LRRC41: variants seen among roughly 807,000 people sequenced by gnomAD.
LRRC41 encodes the protein leucine rich repeat containing 41.
A neutral mutation model predicts 72.1 loss-of-function variants in LRRC41; 17 were observed. That is an observed-to-expected ratio of 0.24 (90% CI 0.16 to 0.35). LRRC41 has a LOEUF of 0.35. Among genes scored for constraint, LRRC41 ranks in the 10% least tolerant of loss-of-function variants. LRRC41 has a pLI of 1.00. For missense variants in LRRC41, 759 were observed against 1,065.0 expected (o/e 0.71, Z 4.00); for synonymous variants, 427 against 431.0 (o/e 0.99, Z 0.11).
chr1:46,297,727 T>A, intron 2 of LRRC41, 94 bp from the exon 3 acceptor site: 1 of 891,934 alleles, frequency 1.1e-6, no homozygotes, highest in South Asian at 1.4e-5. Flanking sequence ...ACAGGAGCAA[T>A]ATGGCAGAGT....
At chr1:46,294,391 A>G (rs1661079562) in intron 3 of LRRC41, among the ~76,000 whole-genome samples, 1 of 152,020 alleles carries the variant, frequency 6.6e-6, no homozygotes. Flanking sequence ...TACAGGTGTG[A>G]GCTACCGCGC....
rs149912486 is a variant in LRRC41, at chr1:46,281,266, G to A, written c.1615C>T (p.Leu539=). 2.7e-5 allele frequency: 44 copies of A among 1,614,088 alleles called. No homozygotes were observed. Among genetic ancestry groups the A allele is most frequent in the Non-Finnish European group, 3.5e-5 (41 of 1,180,032 alleles). The change falls in exon 5 of 10, where the codon CTG becomes TTG. Residue 539 remains leucine, a synonymous_variant. Transcript: ENST00000617190. ...DLFSPLPILE[L]TRAIVRALPL... ...AGTGCTCGCACGATAGCACGTGTCAGCTCCAGGATGGGCAGTGGTGAGAAC... is the reference window on the plus strand; with the variant it reads ...AGTGCTCGCACGATAGCACGTGTCAACTCCAGGATGGGCAGTGGTGAGAAC...
chr1:46,279,877 G>A lies in LRRC41; in HGVS notation c.2021-263C>T, dbSNP rs573822103. 5.9e-5 allele frequency among the ~76,000 whole-genome samples: 9 copies of A among 152,190 alleles called. No homozygotes were observed. The South Asian group carries it at 1.2e-3, about 21-fold the overall frequency. On this transcript the variant is annotated intron_variant, in intron 7 of 9. Transcript: ENST00000617190. This position sits in a 1 kb window ranked among gnomAD's most constrained non-coding sequence, Gnocchi z 4.5. Reference sequence around the variant, plus strand: ...CCCTAACACTGGCCACCCTCTATGCGGGGGTGGGGATCAGAGAAAAGTCTA... The same window carrying A: ...CCCTAACACTGGCCACCCTCTATGCAGGGGTGGGGATCAGAGAAAAGTCTA...
rs1431681864 is a variant in LRRC41 at position 46,302,131 on chromosome 1, C to T, written c.199+993G>A. 6 of 985,268 alleles carry T rather than the reference C, an allele frequency of 6.1e-6. No homozygotes were observed. In the African/African-American group the frequency reaches 7.0e-5, roughly 11 times the overall value. The allele number at this position is 985,268 out of a possible 1,614,324, so 61.0% of individuals were successfully genotyped here. A position where few individuals can be genotyped will look rare whatever the true frequency, so the allele number is the denominator to read the frequency against. On this transcript the variant is annotated intron_variant, in intron 1 of 9. Transcript: ENST00000617190. The surrounding 1 kb of genome is among the most constrained non-coding windows in gnomAD (Gnocchi z 4.7). ...CGTTCATCCCGGCGCCCCAGGCCGC[C>T]CTCCATCCAGGCCCGGCCCTTTGGT...
intron 3 of LRRC41, chr1:46,297,349 C>A: frequency 2.1e-6 from 1 of 465,216 alleles, no homozygotes; most frequent in Non-Finnish European, 3.9e-6. Flanking sequence ...CACTAACTTT[C>A]CCTGTTTTGT....
chr1:46,295,751 T>C (rs1421314133), intron 3 of LRRC41, among the ~76,000 whole-genome samples: 1 of 152,222 alleles, frequency 6.6e-6, no homozygotes, highest in East Asian at 1.9e-4. Context: ...GTGAATCTGA[T>C]GTTTCCTTAA....
rs1661270094 is a variant in LRRC41, at chr1:46,302,769, G to C, written c.199+355C>G. On this transcript the variant is annotated intron_variant, in intron 1 of 9. Transcript: ENST00000617190. The surrounding 1 kb of genome is among the most constrained non-coding windows in gnomAD (Gnocchi z 4.7). ...CCGGGCCATCGCTGCCCACCGGTTCGACATCCGAGACTCTCCTGCCCGGCC... is the reference window on the plus strand; with the variant it reads ...CCGGGCCATCGCTGCCCACCGGTTCCACATCCGAGACTCTCCTGCCCGGCC... The C allele has an allele frequency of 2.8e-5, 28 of 985,002 alleles. No individual in the cohort carries two copies. The highest frequency in any genetic ancestry group is 6.2e-5 in the Admixed American group (1 of 16,254). 61.0% of individuals were successfully genotyped at this position (985,002 alleles called of 1,614,324 possible). A position where few individuals can be genotyped will look rare whatever the true frequency, so the allele number is the denominator to read the frequency against.
In LRRC41 at chr1:46,302,227, C is replaced by T; in HGVS notation, c.199+897G>A. On this transcript the variant is annotated intron_variant, in intron 1 of 9. Coordinates refer to ENST00000617190, the MANE Select transcript of LRRC41 (RefSeq NM_006369.5). This position sits in a 1 kb window ranked among gnomAD's most constrained non-coding sequence, Gnocchi z 4.7. ...CCAAGGCCTCTTGGCGGCGCCGCGCCCCCTGCCACGGCAGCCCGGCAGTCC... is the reference window on the plus strand; with the variant it reads ...CCAAGGCCTCTTGGCGGCGCCGCGCTCCCTGCCACGGCAGCCCGGCAGTCC... 4 of 985,434 alleles carry T rather than the reference C, an allele frequency of 4.1e-6. No individual in the cohort carries two copies. The highest frequency in any genetic ancestry group is 4.8e-6 in the Non-Finnish European group (4 of 829,912). 61.0% of individuals were successfully genotyped at this position (985,434 alleles called of 1,614,324 possible). A position where few individuals can be genotyped will look rare whatever the true frequency, so the allele number is the denominator to read the frequency against.
chr1:46,294,919 TTAGAG>T (rs1241507983), intron 3 of LRRC41, among the ~76,000 whole-genome samples: 5 of 152,030 alleles, frequency 3.3e-5, no homozygotes, highest in Non-Finnish European at 7.4e-5. Context: ...ACAAAAGTCA[TTAGAG>T]TATACTGTAA....
At chr1:46,296,417 C>CAAACAAAACA (rs369577873) in intron 3 of LRRC41, among the ~76,000 whole-genome samples, 32 of 151,908 alleles carry the variant, frequency 2.1e-4, no homozygotes, top group African/African-American at 4.8e-4. Context: ...AACTCCGTCT[C>CAAACAAAACA]AAACAAAACA....
In LRRC41 at chr1:46,281,203, G is replaced by T. The variant is rs774582361; in HGVS notation, c.1678C>A (p.Pro560Thr). Residue 560 changes from proline to threonine, a missense_variant, in exon 5 of 10, where the codon CCA (proline) becomes ACA (threonine). By Grantham distance (38) the Pro-to-Thr change is conservative. This residue lies in a region of LRRC41 where 427 missense variants were observed against 520.9 expected (regional missense o/e 0.82). Coordinates refer to ENST00000617190, the MANE Select transcript of LRRC41 (RefSeq NM_006369.5). ...ACACCAGGGTTGTCCCGCTGGCTTG[G>T]GTGGTCAACACGAATAGAGAGGACC... ...LRVLSIRVDH[P>T]SQRDNPGVPG... The T allele has an allele frequency of 6.2e-7, 1 of 1,614,220 alleles. No homozygotes were observed. The highest frequency in any genetic ancestry group is 1.3e-5 in the African/African-American group (1 of 75,056).
intron 3 of LRRC41, among the ~76,000 whole-genome samples, chr1:46,287,826 T>C (rs755098452): frequency 5.3e-5 from 8 of 152,240 alleles, no homozygotes; most frequent in Non-Finnish European, 1.2e-4. Flanking sequence ...CCTGTGTACA[T>C]GTCTTATCCC....
At position 46,302,837 on chromosome 1, in the gene LRRC41, C is replaced by T. The variant is rs1212879999; in HGVS notation, c.199+287G>A. ...GCGCGGCCCACAGCCGCAATCCAGC[C>T]TCAGTCGCCCGGGCCCAGCCTGCTT... On this transcript the variant is annotated intron_variant, in intron 1 of 9. Coordinates refer to ENST00000617190, the MANE Select transcript of LRRC41 (RefSeq NM_006369.5). This position sits in a 1 kb window ranked among gnomAD's most constrained non-coding sequence, Gnocchi z 4.7. 3 of 985,252 alleles carry T rather than the reference C, an allele frequency of 3.0e-6. No individual in the cohort carries two copies. Among genetic ancestry groups the T allele is most frequent in the East Asian group, 2.3e-4 (2 of 8,810 alleles). The allele number at this position is 985,252 out of a possible 1,614,324, so 61.0% of individuals were successfully genotyped here. A position where few individuals can be genotyped will look rare whatever the true frequency, so the allele number is the denominator to read the frequency against.
intron 3 of LRRC41, among the ~76,000 whole-genome samples, chr1:46,291,361 T>C (rs1661012005): frequency 6.6e-6 from 1 of 151,926 alleles, no homozygotes; most frequent in Non-Finnish European, 1.5e-5. Flanking sequence ...AGAGACAGGG[T>C]CTTGTCCCAT....
In LRRC41 at chr1:46,303,493, A is replaced by C. The variant is rs755783981; in HGVS notation, c.-171T>G. The C allele has an allele frequency of 6.6e-6, 5 of 753,936 alleles. 1 individual carries two copies. Among genetic ancestry groups the C allele is most frequent in the Non-Finnish European group, 1.0e-5 (5 of 479,904 alleles). 46.7% of individuals were successfully genotyped at this position (753,936 alleles called of 1,614,324 possible). A position where few individuals can be genotyped will look rare whatever the true frequency, so the allele number is the denominator to read the frequency against. ...CTCTTAGGAGCTACTATTTTAGATAAACTCCTAGATCAATTATACTTGGGT... is the reference window on the plus strand; with the variant it reads ...CTCTTAGGAGCTACTATTTTAGATACACTCCTAGATCAATTATACTTGGGT... On this transcript the variant is annotated 5_prime_UTR_variant, in exon 1 of 10. Transcript: ENST00000617190.
At chr1:46,288,941 A>C (rs1660943044) in intron 3 of LRRC41, among the ~76,000 whole-genome samples, 1 of 152,236 alleles carries the variant, frequency 6.6e-6, no homozygotes, top group Non-Finnish European at 1.5e-5. Flanking sequence ...CCAGTCTTGA[A>C]AAACACTTGC....
chr1:46,296,532 A>G (rs893518185), intron 3 of LRRC41, among the ~76,000 whole-genome samples: 1 of 152,216 alleles, frequency 6.6e-6, no homozygotes, highest in Non-Finnish European at 1.5e-5. Flanking sequence ...AGTTTCAGTA[A>G]ATGTTTATTG....
intron 3 of LRRC41, chr1:46,297,340 A>G (rs1661145364): frequency 2.2e-6 from 1 of 460,730 alleles, no homozygotes; most frequent in African/African-American, 2.0e-5. Context: ...CATTGTGATC[A>G]CTAACTTTCC....
Position 46,279,434 on chromosome 1 carries a change from T to C in LRRC41, c.2143+58A>G. On this transcript the variant is annotated intron_variant, in intron 8 of 9. Coordinates refer to ENST00000617190, the MANE Select transcript of LRRC41 (RefSeq NM_006369.5). This position sits in a 1 kb window ranked among gnomAD's most constrained non-coding sequence, Gnocchi z 4.5. ...GAGGTCTTTGCCTTTATCCAGTGAG[T>C]TTTTAGGTCAAAGGCCTAGCTCCTT... The C allele has an allele frequency of 6.2e-7, 1 of 1,612,950 alleles. No individual in the cohort carries two copies. The highest frequency in any genetic ancestry group is 8.5e-7 in the Non-Finnish European group (1 of 1,179,164).
Sources: gnomAD v4.1 joint callset for allele counts (sites outside exome capture counted in the v4.1 genomes callset) on GRCh38, gnomAD v4.1.1 for gene constraint, gnomAD v4.1.1 regional missense constraint, Gnocchi (gnomAD v3.1) non-coding constraint, MANE v1.5 for transcripts, NCBI Gene and HGNC (gene_info 2026-07-23, HGNC 2026-07-21) for gene names.